UNC5D: variants seen among roughly 807,000 people sequenced by gnomAD.
UNC5D encodes netrin receptor UNC5D.
Under a neutral mutation model 105.4 loss-of-function variants are expected in UNC5D, and 39 were observed. That is an observed-to-expected ratio of 0.37 (90% CI 0.29 to 0.48). The LOEUF is 0.48. Among genes scored for constraint, UNC5D ranks in the 20% least tolerant of loss-of-function variants. The pLI, the probability that UNC5D is intolerant of heterozygous loss-of-function variation, is 0.98. For missense variants in UNC5D, 991 were observed against 1,202.4 expected (o/e 0.82, Z 2.60); for synonymous variants, 452 against 450.4 (o/e 1.00, Z -0.04).
intron 1 of UNC5D, among the ~76,000 whole-genome samples, chr8:35,317,181 A>G (rs182885630): frequency 2.0e-5 from 3 of 152,308 alleles, no homozygotes; most frequent in East Asian, 1.9e-4. Flanking sequence ...TGAATCTTCC[A>G]TCGACATTTT....
chr8:35,610,730 C>G (rs957847428), intron 4 of UNC5D, among the ~76,000 whole-genome samples: 1 of 152,132 alleles, frequency 6.6e-6, no homozygotes. Flanking sequence ...CCTGACAGAT[C>G]ACATTGTCAA....
chr8:35,609,805 T>G (rs1439036241), intron 4 of UNC5D, among the ~76,000 whole-genome samples: 1 of 152,178 alleles, frequency 6.6e-6, no homozygotes, highest in Non-Finnish European at 1.5e-5. Context: ...GTGGGGCTCA[T>G]GGGGTCACCA....
At chr8:35,573,024 C>T (rs1817848492) in intron 3 of UNC5D, among the ~76,000 whole-genome samples, 1 of 151,992 alleles carries the variant, frequency 6.6e-6, no homozygotes, top group African/African-American at 2.4e-5. Flanking sequence ...AGGATGGTCT[C>T]GATCTCCTGA....
At chr8:35,544,365 CAAAT>C in intron 1 of UNC5D, 1 of 1,587,520 alleles carries the variant, frequency 6.3e-7, no homozygotes, top group Non-Finnish European at 8.6e-7. Flanking sequence ...TTTTCTGCCA[CAAAT>C]AACAGAAAAT....
At chr8:35,348,892 T>A (rs1812000118) in intron 1 of UNC5D, among the ~76,000 whole-genome samples, 1 of 151,866 alleles carries the variant, frequency 6.6e-6, no homozygotes, top group African/African-American at 2.4e-5. Flanking sequence ...TTTTCATCTA[T>A]TAGACATGAA....
intron 1 of UNC5D, among the ~76,000 whole-genome samples, chr8:35,423,713 A>G (rs1585808921): frequency 6.6e-6 from 1 of 152,178 alleles, no homozygotes; most frequent in East Asian, 1.9e-4. Flanking sequence ...GAAGAATGGA[A>G]AAGTAGGGGC....
intron 7 of UNC5D, among the ~76,000 whole-genome samples, chr8:35,687,525 CAG>C (rs1281555716): frequency 6.6e-6 from 1 of 151,188 alleles, no homozygotes; most frequent in Non-Finnish European, 1.5e-5. Flanking sequence ...AGTGGTCTGG[CAG>C]AGTAGCAAGT....
intron 1 of UNC5D, among the ~76,000 whole-genome samples, chr8:35,433,256 G>C (rs1806776604): frequency 6.6e-6 from 1 of 152,130 alleles, no homozygotes; most frequent in African/African-American, 2.4e-5. Flanking sequence ...GATCTACCTG[G>C]CACTTACAAA....
chr8:35,496,954 C>A (rs1279457808), intron 1 of UNC5D, among the ~76,000 whole-genome samples: 1 of 151,850 alleles, frequency 6.6e-6, no homozygotes, highest in Admixed American at 6.6e-5. Context: ...TTTTCCTCAC[C>A]CATCCTACAT....
intron 1 of UNC5D, among the ~76,000 whole-genome samples, chr8:35,323,687 C>G (rs1020681707): frequency 1.3e-5 from 2 of 152,154 alleles, no homozygotes; most frequent in Non-Finnish European, 2.9e-5. Context: ...AGGCACTCTT[C>G]TTGTCTCCAT....
chr8:35,373,413 G>A (rs1802530659), intron 1 of UNC5D, among the ~76,000 whole-genome samples: 1 of 152,130 alleles, frequency 6.6e-6, no homozygotes, highest in Non-Finnish European at 1.5e-5. Flanking sequence ...AATAAAGCAT[G>A]GACTTATTTA....
rs1305740817 is a variant in UNC5D, at chr8:35,793,505, A to G, written c.*2942A>G. 1 of 160,914 alleles carries G rather than the reference A, an allele frequency of 6.2e-6. No individual in the cohort carries two copies. The highest frequency in any genetic ancestry group is 1.4e-5 in the Non-Finnish European group (1 of 73,380). 10.0% of individuals were successfully genotyped at this position (160,914 alleles called of 1,614,324 possible). On this transcript the variant is annotated 3_prime_UTR_variant, in exon 17 of 17. Coordinates refer to ENST00000404895, the MANE Select transcript of UNC5D (RefSeq NM_080872.4). ...ACTTGGTAAGTTACTTAAAATTTTT[A>G]CAAAAATATCCCACTCAATGCCAAA...
At position 35,384,235 on chromosome 8, in the gene UNC5D, A is replaced by C. The variant is rs564983935; in HGVS notation, c.103+148348A>C. Among the ~76,000 whole-genome samples, 933 of 151,970 alleles carry C rather than the reference A, an allele frequency of 6.1e-3. 13 individuals are homozygous for C. The highest frequency in any genetic ancestry group is 0.021 in the African/African-American group (892 of 41,502). On this transcript the variant is annotated intron_variant, in intron 1 of 16. Transcript: ENST00000404895. ...CTCCATTTCAAAAAAAAAAAACAAA[A>C]AAAAACTAACATTTAAAATAATATG...
At chr8:35,762,266 G>A (rs1035808233) in intron 14 of UNC5D, among the ~76,000 whole-genome samples, 1 of 152,184 alleles carries the variant, frequency 6.6e-6, no homozygotes, top group Non-Finnish European at 1.5e-5. Context: ...TTAGAATGGT[G>A]TGAGTTCAAG....
At chr8:35,747,871 T>C (rs1563729933) in intron 11 of UNC5D, among the ~76,000 whole-genome samples, 1 of 152,254 alleles carries the variant, frequency 6.6e-6, no homozygotes, top group Non-Finnish European at 1.5e-5. Flanking sequence ...GATTGAATGA[T>C]TTTAAATTTA....
chr8:35,722,845 T>TAAAC (rs111856991), intron 9 of UNC5D, among the ~76,000 whole-genome samples: 9,715 of 152,132 alleles, frequency 0.064, 849 homozygotes, highest in African/African-American at 0.2. Context: ...TTTAAATAAG[T>TAAAC]AAACAGATTT....
chr8:35,524,640 CAA>C (rs113548648), intron 1 of UNC5D, among the ~76,000 whole-genome samples: 15 of 71,084 alleles, frequency 2.1e-4, no homozygotes, highest in Non-Finnish European at 2.9e-4. Context: ...ATGCCCTGTG[CAA>C]AAAAAAAAAA....
At chr8:35,538,393 AATTATATATATATATATATAT>A (rs1814995060) in intron 1 of UNC5D, among the ~76,000 whole-genome samples, 2 of 97,368 alleles carry the variant, frequency 2.1e-5, no homozygotes, top group East Asian at 6.2e-4. Flanking sequence ...AAAAAAAAAT[AATTATATATATATATATATAT>A]ATATATATAT....
rs562306200 is a variant in UNC5D at position 35,456,129 on chromosome 8, G to A, written c.104-93163G>A. On this transcript the variant is annotated intron_variant, in intron 1 of 16. Coordinates refer to ENST00000404895, the MANE Select transcript of UNC5D (RefSeq NM_080872.4). ...AATCCATTTATTAAAAGAGGTAAAT[G>A]CATTTCTGATTCTCTGGAAAGAGTT... Among the ~76,000 whole-genome samples, 11 of 152,238 alleles carry A rather than the reference G, an allele frequency of 7.2e-5. 1 individual carries two copies. In the South Asian group the frequency reaches 2.1e-3, roughly 29 times the overall value.
Sources: allele counts gnomAD v4.1 joint callset (sites outside exome capture counted in the v4.1 genomes callset), GRCh38; gene constraint gnomAD v4.1.1; transcripts MANE v1.5; gene names NCBI Gene and HGNC (gene_info 2026-07-23, HGNC 2026-07-21).